Variants in CCDC88A observed in about 807,000 individuals in gnomAD.
The protein encoded by CCDC88A is coiled-coil and HOOK domain protein 88A, also known as girdin.
A neutral mutation model predicts 234.3 loss-of-function variants in CCDC88A; 54 were observed. That is an observed-to-expected ratio of 0.23 (90% confidence interval 0.19 to 0.29). The LOEUF (loss-of-function observed/expected upper bound fraction) is 0.29, where lower values mean the gene tolerates loss of function less well. Ranked by LOEUF, CCDC88A falls within the 10% of genes least tolerant of loss-of-function variation. The pLI is 1.00. For missense variants in CCDC88A, 1,832 were observed against 2,123.4 expected, an observed-to-expected ratio of 0.86 and a Z score of 2.70; for synonymous variants, 753 against 737.8, an observed-to-expected ratio of 1.02 and a Z score of -0.33.
chr2:55,382,246 GA>G (rs1674716679), intron 3 of CCDC88A, among the ~76,000 whole-genome samples: 1 of 152,042 alleles, frequency 6.6e-6, no homozygotes, highest in South Asian at 2.1e-4. Flanking sequence ...AGAAGTTAAA[GA>G]AAAACCTAAA....
At chr2:55,394,470 TG>T (rs1677178898) in intron 2 of CCDC88A, 2 of 152,224 alleles carry the variant, frequency 1.3e-5, no homozygotes, top group South Asian at 4.2e-4. Context: ...CTGGGTCAAA[TG>T]GTATTTCTAG....
intron 26 of CCDC88A, 161 bp downstream of exon 26, chr2:55,302,908 T>C: frequency 1.8e-6 from 1 of 561,458 alleles, no homozygotes; most frequent in Non-Finnish European, 3.2e-6. Flanking sequence ...GCAAATTCAG[T>C]GCCACTTGAA....
chr2:55,379,690 G>A (rs1024794742), intron 3 of CCDC88A, among the ~76,000 whole-genome samples: 41 of 152,098 alleles, frequency 2.7e-4, no homozygotes, highest in African/African-American at 8.9e-4. Flanking sequence ...CACTTCGGGA[G>A]GCTGAGGTGG....
At chr2:55,360,999 T>A (rs567660617) in intron 7 of CCDC88A, among the ~76,000 whole-genome samples, 1 of 152,216 alleles carries the variant, frequency 6.6e-6, no homozygotes, top group African/African-American at 2.4e-5. Flanking sequence ...TGAGGCAGAA[T>A]TGCTTGAACC....
intron 22 of CCDC88A, 90 bp from the exon 23 acceptor site, chr2:55,312,669 G>C: frequency 2.2e-6 from 2 of 896,198 alleles, no homozygotes; most frequent in East Asian, 2.6e-5. Flanking sequence ...AAAGATTTAA[G>C]TGTTCCACTG....
At chr2:55,402,106 A>G (rs1056300605) in intron 2 of CCDC88A, among the ~76,000 whole-genome samples, 1 of 152,084 alleles carries the variant, frequency 6.6e-6, no homozygotes, top group Non-Finnish European at 1.5e-5. Context: ...GCAGACTCCC[A>G]AAGAGCTTTT....
intron 18 of CCDC88A, among the ~76,000 whole-genome samples, chr2:55,319,245 C>CTAT (rs1490032847): frequency 5.3e-5 from 8 of 152,094 alleles, no homozygotes; most frequent in Non-Finnish European, 2.9e-5. Context: ...GTCTTGTCTG[C>CTAT]ATTATAATAT....
chr2:55,309,244 T>C lies in CCDC88A; in HGVS notation c.4090A>G (p.Asn1364Asp). 7.2e-7 allele frequency: 1 copy of C among 1,390,510 alleles called. No homozygotes were observed. Among genetic ancestry groups the C allele is most frequent in the Non-Finnish European group, 1.0e-6 (1 of 996,146 alleles). The allele number at this position is 1,390,510 out of a possible 1,614,324, so 86.1% of individuals were successfully genotyped here. A position where few individuals can be genotyped will look rare whatever the true frequency, so the allele number is the denominator to read the frequency against. The change falls in exon 24 of 33, where the codon AAT becomes GAT. Residue 1364 changes from asparagine (N) to aspartate (D), a missense_variant. Asn to Asp is a conservative substitution (Grantham distance 23, BLOSUM62 1). Transcript: ENST00000436346. This position sits in a 1 kb window ranked among gnomAD's most constrained non-coding sequence, Gnocchi z 5.1. The stretch of plus-strand genomic sequence containing the variant: ...TTCTCCTTCTGACGTCTTAATTCAT[T>C]TAACTTATCACTATAAAATAAAAAT... Reference protein sequence around the residue: ...VEQRQYIDKLNELRRQKEKLE... With the variant: ...VEQRQYIDKLDELRRQKEKLE...
Position 55,296,020 on chromosome 2 carries a change from C to T in CCDC88A, c.5128G>A (p.Val1710Ile). The T allele has an allele frequency of 6.2e-7, 1 of 1,606,622 alleles. No homozygotes were observed. Among genetic ancestry groups the T allele is most frequent in the Non-Finnish European group, 8.5e-7 (1 of 1,178,268 alleles). ...SSSQENLLDE[V>I]MKSLSVSSDF... The stretch of plus-strand genomic sequence containing the variant: ...GAAGAGACAGACAAACTTTTCATTA[C>T]TTCATCTAAAAGATTCTCTTGACTT... Residue 1710 changes from valine (V) to isoleucine (I), a missense_variant, in exon 31 of 33, where the codon GTA becomes ATA. Physicochemically the swap from Val to Ile is conservative, Grantham distance 29. Transcript: ENST00000436346.
intron 29 of CCDC88A, among the ~76,000 whole-genome samples, chr2:55,297,460 G>C (rs1680333131): frequency 7.5e-6 from 1 of 133,762 alleles, no homozygotes; most frequent in Non-Finnish European, 1.6e-5. Flanking sequence ...ACCCAGGCTG[G>C]AATGCAGTGG....
chr2:55,339,790 G>T, intron 12 of CCDC88A, 142 bp from the exon 13 acceptor site: 1 of 553,436 alleles, frequency 1.8e-6, no homozygotes. Context: ...GGTTATATAA[G>T]ATAAACAAGA....
intron 7 of CCDC88A, chr2:55,356,399 T>C (rs1052663422): frequency 2.6e-5 from 4 of 151,930 alleles, no homozygotes; most frequent in Non-Finnish European, 5.9e-5. Flanking sequence ...CAATCTATCA[T>C]TGAGGGCATT....
At chr2:55,409,072 C>T (rs1162059313) in intron 2 of CCDC88A, among the ~76,000 whole-genome samples, 1 of 152,200 alleles carries the variant, frequency 6.6e-6, no homozygotes, top group East Asian at 1.9e-4. Context: ...ATGCTATGCT[C>T]ACTGGCTCAA....
At chr2:55,311,872 A>T (rs997596888) in intron 23 of CCDC88A, among the ~76,000 whole-genome samples, 6 of 152,194 alleles carry the variant, frequency 3.9e-5, no homozygotes, top group African/African-American at 1.4e-4. Flanking sequence ...TTGGTATGGC[A>T]TAGAACAACC....
At chr2:55,341,995 G>A (rs1668572199) in intron 12 of CCDC88A, among the ~76,000 whole-genome samples, 1 of 152,068 alleles carries the variant, frequency 6.6e-6, no homozygotes, top group South Asian at 2.1e-4. Context: ...CCTCCACACT[G>A]TTTTCCAGAA....
chr2:55,308,786 G>A (rs1234877124), intron 25 of CCDC88A, 23 bp downstream of exon 25: 5 of 1,568,232 alleles, frequency 3.2e-6, no homozygotes, highest in Middle Eastern at 1.7e-4. Flanking sequence ...TCAATACGAT[G>A]TTTAAAGAGT....
chr2:55,322,393 G>A (rs1574099803), intron 18 of CCDC88A, 135 bp downstream of exon 18: 1 of 514,184 alleles, frequency 1.9e-6, no homozygotes, highest in Admixed American at 3.6e-5. Flanking sequence ...AATAGAAAAA[G>A]GACTATATGA....
Position 55,289,766 on chromosome 2 carries a change from GGAGAGA to G in CCDC88A, c.*1428_*1433del, listed in dbSNP as rs1679313279. On this transcript the variant is annotated 3_prime_UTR_variant, in exon 33 of 33. Coordinates refer to ENST00000436346, the MANE Select transcript of CCDC88A (RefSeq NM_001365480.1). ...GCCTACGAAAGAGAGAGAGAAAGAGGGAGAGAGAAAGAGAGAGAGAGAGAGAGAGAG... is the reference window on the plus strand; with the variant it reads ...GCCTACGAAAGAGAGAGAGAAAGAGGGAAAGAGAGAGAGAGAGAGAGAGAG... 1 of 70,742 alleles carries G rather than the reference GGAGAGA, an allele frequency of 1.4e-5. No homozygotes were observed. The highest frequency in any genetic ancestry group is 3.0e-5 in the Non-Finnish European group (1 of 33,456). 4.4% of individuals were successfully genotyped at this position (70,742 alleles called of 1,614,324 possible).
At chr2:55,359,574 C>A (rs141422877) in intron 7 of CCDC88A, among the ~76,000 whole-genome samples, 1 of 150,484 alleles carries the variant, frequency 6.6e-6, no homozygotes, top group South Asian at 2.1e-4. Flanking sequence ...TCGTATGCCC[C>A]CCCATTCCTG....
Sources: gnomAD v4.1 joint callset for allele counts (sites outside exome capture counted in the v4.1 genomes callset) on GRCh38, gnomAD v4.1.1 for gene constraint, Gnocchi (gnomAD v3.1) non-coding constraint, MANE v1.5 for transcripts, NCBI Gene and HGNC (gene_info 2026-07-23, HGNC 2026-07-21) for gene names.